The following BBS9 variants were observed in gnomAD, a reference collection of about 807,000 sequenced individuals.
The protein encoded by BBS9 is Bardet-Biedl syndrome 9, also known as protein PTHB1.
A neutral mutation model predicts 117.7 loss-of-function variants in BBS9; 89 were observed. The ratio of observed to expected loss-of-function variants is 0.76; its 90% CI spans 0.64 to 0.90. BBS9 has a LOEUF of 0.90. BBS9 is among the 40% of genes least tolerant of loss of function. BBS9 has a pLI of 0.00. For missense variants in BBS9, 982 were observed against 1,042.2 expected (o/e 0.94, Z 0.80); for synonymous variants, 379 against 370.9 (o/e 1.02, Z -0.25).
At chr7:33,626,671 A>G (rs940724295) in intron 21 of BBS9, among the ~76,000 whole-genome samples, 1 of 152,170 alleles carries the variant, frequency 6.6e-6, no homozygotes, top group Non-Finnish European at 1.5e-5. Flanking sequence ...GGTTGGAGGC[A>G]TTGTGGAGGT....
intron 19 of BBS9, among the ~76,000 whole-genome samples, chr7:33,503,012 A>G (rs560252214): frequency 2.0e-5 from 3 of 152,268 alleles, no homozygotes; most frequent in Admixed American, 2.0e-4. Context: ...GTAGCTTTCT[A>G]AGTAAGAAAA....
intron 9 of BBS9, among the ~76,000 whole-genome samples, chr7:33,322,780 G>T (rs1453678161): frequency 6.6e-6 from 1 of 151,380 alleles, no homozygotes; most frequent in South Asian, 2.1e-4. Flanking sequence ...AGTAATCTTG[G>T]GTTTGATTTG....
intron 8 of BBS9, 83 bp downstream of exon 8, chr7:33,273,278 A>T: frequency 7.5e-7 from 1 of 1,338,514 alleles, no homozygotes; most frequent in Non-Finnish European, 1.1e-6. Flanking sequence ...TCATACACAT[A>T]TTGTAAACAT....
intron 21 of BBS9, among the ~76,000 whole-genome samples, chr7:33,555,609 G>A (rs1855172559): frequency 6.6e-6 from 1 of 152,102 alleles, no homozygotes; most frequent in South Asian, 2.1e-4. Flanking sequence ...AAAATTGAGA[G>A]GATTTGGTAG....
At chr7:33,511,935 C>T (rs1371259957) in intron 20 of BBS9, among the ~76,000 whole-genome samples, 1 of 152,158 alleles carries the variant, frequency 6.6e-6, no homozygotes, top group Non-Finnish European at 1.5e-5. Flanking sequence ...TATTAATGAC[C>T]TCTTCTTAAA....
intron 21 of BBS9, among the ~76,000 whole-genome samples, chr7:33,616,964 G>C (rs1865169376): frequency 1.3e-5 from 2 of 151,930 alleles, no homozygotes; most frequent in Admixed American, 6.6e-5. Flanking sequence ...TGTGGTATTT[G>C]ACTTTCTGTT....
At chr7:33,435,153 T>A (rs1835111879) in intron 19 of BBS9, among the ~76,000 whole-genome samples, 1 of 152,156 alleles carries the variant, frequency 6.6e-6, no homozygotes, top group Non-Finnish European at 1.5e-5. Flanking sequence ...TGATTGGTGG[T>A]CTTTTTAGTT....
Position 33,367,761 on chromosome 7 carries a change from T to C in BBS9, c.1694-6T>C, listed in dbSNP as rs28622379. On this transcript the variant is annotated splice_region_variant and splice_polypyrimidine_tract_variant and intron_variant, in intron 16 of 22. Transcript: ENST00000242067. The stretch of plus-strand genomic sequence containing the variant: ...ACATAAGGTGATTTCTCTCTTTTCT[T>C]TGTAGGTTTTGCCAGTCAGTCAGAT... The C allele has an allele frequency of 5.1e-3, 8,196 of 1,613,348 alleles. 169 individuals carry two copies. The highest frequency in any genetic ancestry group is 0.046 in the South Asian group (4,148 of 91,066).
chr7:33,401,493 A>G (rs989066344), intron 19 of BBS9, among the ~76,000 whole-genome samples: 1 of 151,772 alleles, frequency 6.6e-6, no homozygotes, highest in Non-Finnish European at 1.5e-5. Context: ...TTAAGGAGAC[A>G]TAGACATCAA....
intron 7 of BBS9, among the ~76,000 whole-genome samples, chr7:33,270,434 G>A (rs10246533): frequency 0.5 from 75,387 of 151,988 alleles, 19,060 homozygotes; most frequent in Admixed American, 0.57. Flanking sequence ...TCAGGAGAAT[G>A]TCAAAATCCA....
At chr7:33,599,843 AT>A (rs1344246615) in intron 21 of BBS9, among the ~76,000 whole-genome samples, 1 of 152,206 alleles carries the variant, frequency 6.6e-6, no homozygotes, top group African/African-American at 2.4e-5. Flanking sequence ...CTGACTCAAG[AT>A]GCCAGATTCC....
In BBS9 at chr7:33,605,770, C is replaced by T. The variant is rs1864497217; in HGVS notation, c.*544C>T. On this transcript the variant is annotated 3_prime_UTR_variant, in exon 23 of 23. Transcript: ENST00000242067. Reference sequence around the variant, plus strand: ...TGTGATTATTTTATAAATAAAAGAACCACTATGAAACTTTCATGTGATTTG... The same window carrying T: ...TGTGATTATTTTATAAATAAAAGAATCACTATGAAACTTTCATGTGATTTG... The T allele has an allele frequency of 6.3e-6, 1 of 158,758 alleles. No homozygotes were observed. The highest frequency in any genetic ancestry group is 2.4e-5 in the African/African-American group (1 of 41,442). 9.8% of individuals were successfully genotyped at this position (158,758 alleles called of 1,614,324 possible). A position where few individuals can be genotyped will look rare whatever the true frequency, so the allele number is the denominator to read the frequency against.
intron 13 of BBS9, among the ~76,000 whole-genome samples, chr7:33,350,736 C>CT (rs1386297475): frequency 3.9e-5 from 6 of 152,088 alleles, no homozygotes; most frequent in South Asian, 2.1e-4. Context: ...AGGCAAGCTT[C>CT]TTTTTTTGTT....
intron 5 of BBS9, among the ~76,000 whole-genome samples, chr7:33,204,355 C>T (rs1050046003): frequency 6.9e-6 from 1 of 144,878 alleles, no homozygotes; most frequent in Non-Finnish European, 1.5e-5. Flanking sequence ...TGCAGTGAGT[C>T]GAGATAACAC....
intron 17 of BBS9, 100 bp downstream of exon 17, chr7:33,367,962 C>T: frequency 1.1e-6 from 1 of 948,796 alleles, no homozygotes; most frequent in Non-Finnish European, 1.7e-6. Flanking sequence ...GGGTGATGTT[C>T]ATTTAGATTT....
chr7:33,273,004 C>T lies in BBS9; in HGVS notation c.703-8C>T, dbSNP rs1389840328. 3.7e-6 allele frequency: 6 copies of T among 1,613,370 alleles called. No homozygotes were observed. The highest frequency in any genetic ancestry group is 4.2e-6 in the Non-Finnish European group (5 of 1,179,608). ...GCAACTAAATTGATATTGAGTTTTG[C>T]TTTGTAGGTGGATTGGACTCTAAAT... is the stretch of plus-strand genomic sequence containing the variant. On this transcript the variant is annotated splice_polypyrimidine_tract_variant and splice_region_variant and intron_variant, in intron 7 of 22. Transcript: ENST00000242067.
intron 21 of BBS9, among the ~76,000 whole-genome samples, chr7:33,603,281 G>A: frequency 6.6e-6 from 1 of 152,032 alleles, no homozygotes; most frequent in Non-Finnish European, 1.5e-5. Flanking sequence ...TCAGCAGGGT[G>A]CACATCCCTT....
At chr7:33,479,842 A>G (rs978021625) in intron 19 of BBS9, among the ~76,000 whole-genome samples, 1 of 151,910 alleles carries the variant, frequency 6.6e-6, no homozygotes, top group Non-Finnish European at 1.5e-5. Context: ...GTTTTTTTAT[A>G]TATTTGTTGG....
chr7:33,542,790 TACACACACACACAC>T (rs368494839), intron 21 of BBS9, among the ~76,000 whole-genome samples: 35,593 of 134,276 alleles, frequency 0.27, 5,116 homozygotes, highest in East Asian at 0.43. Context: ...TATATATATG[TACACACACACACAC>T]ACACACACAC....
Sources: allele counts gnomAD v4.1 joint callset (sites outside exome capture counted in the v4.1 genomes callset), GRCh38; gene constraint gnomAD v4.1.1; transcripts MANE v1.5; gene names NCBI Gene and HGNC (gene_info 2026-07-23, HGNC 2026-07-21).